AUTS2: variants seen among roughly 807,000 people sequenced by gnomAD.
AUTS2 encodes activator of transcription and developmental regulator AUTS2, also known as autism susceptibility gene 2 protein.
A neutral mutation model predicts 112.4 loss-of-function variants in AUTS2; 17 were observed. The ratio of observed to expected loss-of-function variants is 0.15; its 90% CI spans 0.10 to 0.23. AUTS2 has a LOEUF of 0.23. AUTS2 is among the 10% of genes least tolerant of loss of function. The pLI, the probability that AUTS2 is intolerant of heterozygous loss-of-function variation, is 1.00. For missense variants in AUTS2, 1,510 were observed against 1,701.6 expected, an observed-to-expected ratio of 0.89 and a Z score of 1.98; for synonymous variants, 751 against 702.7, an observed-to-expected ratio of 1.07 and a Z score of -1.09.
At chr7:69,653,147 T>G (rs1384675184) in intron 1 of AUTS2, among the ~76,000 whole-genome samples, 1 of 152,196 alleles carries the variant, frequency 6.6e-6, no homozygotes, top group African/African-American at 2.4e-5. Context: ...GAGTGGGGAC[T>G]TCCTTCTTCA....
intron 1 of AUTS2, among the ~76,000 whole-genome samples, chr7:69,845,380 C>T (rs1457987092): frequency 6.6e-6 from 1 of 152,094 alleles, no homozygotes; most frequent in Non-Finnish European, 1.5e-5. Flanking sequence ...CCTTGATTGG[C>T]GTAGATCACT....
At chr7:70,306,019 A>G (rs1789478179) in intron 4 of AUTS2, among the ~76,000 whole-genome samples, 2 of 152,210 alleles carry the variant, frequency 1.3e-5, no homozygotes, top group South Asian at 4.1e-4. Flanking sequence ...AGCTGATGTC[A>G]AAGTCAAAAT....
intron 1 of AUTS2, among the ~76,000 whole-genome samples, chr7:69,649,975 A>T (rs1795219697): frequency 6.6e-6 from 1 of 152,150 alleles, no homozygotes; most frequent in Non-Finnish European, 1.5e-5. Context: ...CCTTCCCCAC[A>T]CAGTCTTATG....
chr7:69,940,074 C>T (rs1796564331), intron 2 of AUTS2, among the ~76,000 whole-genome samples: 2 of 152,146 alleles, frequency 1.3e-5, no homozygotes, highest in African/African-American at 4.8e-5. Context: ...AAGGTAGATG[C>T]TATTATTATC....
At chr7:70,379,050 T>C (rs900160136) in intron 4 of AUTS2, among the ~76,000 whole-genome samples, 1 of 152,210 alleles carries the variant, frequency 6.6e-6, no homozygotes, top group African/African-American at 2.4e-5. Context: ...CATGGCTTTT[T>C]TTTTAAGTTG....
intron 1 of AUTS2, among the ~76,000 whole-genome samples, chr7:69,882,582 TATTA>T (rs1794103163): frequency 1.3e-5 from 2 of 152,190 alleles, no homozygotes; most frequent in African/African-American, 4.8e-5. Context: ...ACCTTGGGAA[TATTA>T]ATTAATAGTA....
chr7:70,679,004 T>C (rs1808069725), intron 5 of AUTS2, among the ~76,000 whole-genome samples: 1 of 152,182 alleles, frequency 6.6e-6, no homozygotes, highest in South Asian at 2.1e-4. Context: ...GAGAGTTTCC[T>C]TTCCCTCACA....
At chr7:70,693,081 A>G (rs1808840618) in intron 5 of AUTS2, among the ~76,000 whole-genome samples, 1 of 152,122 alleles carries the variant, frequency 6.6e-6, no homozygotes, top group African/African-American at 2.4e-5. Flanking sequence ...TGTACTAGGA[A>G]AATTGCAGCA....
intron 2 of AUTS2, among the ~76,000 whole-genome samples, chr7:69,980,708 C>T (rs971401484): frequency 2.0e-5 from 3 of 152,066 alleles, no homozygotes; most frequent in African/African-American, 7.2e-5. Flanking sequence ...TTTGGCTATA[C>T]ATTGGAACTA....
chr7:70,044,156 C>T (rs1475135724), intron 2 of AUTS2, among the ~76,000 whole-genome samples: 1 of 152,164 alleles, frequency 6.6e-6, no homozygotes, highest in South Asian at 2.1e-4. Context: ...GCCCCTCCTC[C>T]TGCCGCTGGA....
chr7:70,466,427 T>C (rs1797168741), intron 5 of AUTS2, among the ~76,000 whole-genome samples: 1 of 152,230 alleles, frequency 6.6e-6, no homozygotes, highest in Non-Finnish European at 1.5e-5. Flanking sequence ...ATTCATTTTT[T>C]CTTTCCTTTG....
intron 4 of AUTS2, among the ~76,000 whole-genome samples, chr7:70,378,410 A>G (rs1308606067): frequency 2.0e-5 from 3 of 152,252 alleles, no homozygotes; most frequent in Admixed American, 1.3e-4. Context: ...ATTTTATAAT[A>G]AAGAATTCAG....
intron 2 of AUTS2, among the ~76,000 whole-genome samples, chr7:69,980,244 A>C (rs977523889): frequency 6.6e-6 from 1 of 152,152 alleles, no homozygotes; most frequent in African/African-American, 2.4e-5. Context: ...CACCATGCCC[A>C]GCTAATTACA....
At chr7:70,556,252 C>T (rs1363548140) in intron 5 of AUTS2, among the ~76,000 whole-genome samples, 1 of 152,128 alleles carries the variant, frequency 6.6e-6, no homozygotes, top group Non-Finnish European at 1.5e-5. Context: ...ATGAGGACAG[C>T]ACCAAACCAT....
At chr7:70,473,420 T>A (rs1258703146) in intron 5 of AUTS2, among the ~76,000 whole-genome samples, 1 of 152,176 alleles carries the variant, frequency 6.6e-6, no homozygotes, top group African/African-American at 2.4e-5. Context: ...TTTTATCAGT[T>A]TCTGTGGACT....
At chr7:70,059,787 A>G (rs1316705649) in intron 2 of AUTS2, among the ~76,000 whole-genome samples, 2 of 152,174 alleles carry the variant, frequency 1.3e-5, no homozygotes, top group Non-Finnish European at 2.9e-5. Flanking sequence ...TAGTGAGGCC[A>G]TAGGAACCCA....
chr7:69,864,360 T>C (rs1793125145), intron 1 of AUTS2, among the ~76,000 whole-genome samples: 1 of 152,324 alleles, frequency 6.6e-6, no homozygotes, highest in South Asian at 2.1e-4. Context: ...GAAGAGATGA[T>C]GCAGCTCTCT....
chr7:69,889,716 C>G (rs1794435775), intron 1 of AUTS2, among the ~76,000 whole-genome samples: 2 of 152,258 alleles, frequency 1.3e-5, no homozygotes, highest in Non-Finnish European at 1.5e-5. Context: ...CACATCCTCT[C>G]AAATGTGTGC....
intron 5 of AUTS2, among the ~76,000 whole-genome samples, chr7:70,691,013 G>T (rs1808725999): frequency 6.6e-6 from 1 of 152,192 alleles, no homozygotes; most frequent in African/African-American, 2.4e-5. Context: ...TGACTTACAA[G>T]AATTTCCCTT....
Sources: allele counts gnomAD v4.1 joint callset (sites outside exome capture counted in the v4.1 genomes callset), GRCh38; gene constraint gnomAD v4.1.1; transcripts MANE v1.5; gene names NCBI Gene and HGNC (gene_info 2026-07-23, HGNC 2026-07-21).